The following PSD3 variants were observed in gnomAD, a reference collection of about 807,000 sequenced individuals.
The protein encoded by PSD3 is pleckstrin and Sec7 domain containing 3, also known as PH and SEC7 domain-containing protein 3.
A neutral mutation model predicts 105.5 loss-of-function variants in PSD3; 49 were observed. The ratio of observed to expected loss-of-function variants is 0.46; its 90% confidence interval spans 0.37 to 0.59. The LOEUF is 0.59. Ranked by LOEUF, PSD3 falls within the 20% of genes least tolerant of loss-of-function variation. PSD3 has a pLI of 0.00. For missense variants in PSD3, 1,561 were observed against 1,263.8 expected, an observed-to-expected ratio of 1.24 and a Z score of -3.57; for synonymous variants, 557 against 457.8, an observed-to-expected ratio of 1.22 and a Z score of -2.77.
chr8:18,665,931 C>T (rs1366598687), intron 9 of PSD3, among the ~76,000 whole-genome samples: 1 of 152,240 alleles, frequency 6.6e-6, no homozygotes, highest in African/African-American at 2.4e-5. Context: ...TATCAACCTT[C>T]AGCAGCCACC....
intron 9 of PSD3, among the ~76,000 whole-genome samples, chr8:18,703,697 T>G (rs1022467923): frequency 5.3e-5 from 8 of 152,172 alleles, no homozygotes; most frequent in Non-Finnish European, 1.0e-4. Context: ...GAGAAGATGG[T>G]GGCTAACCTT....
At chr8:18,942,518 C>G (rs968901205) in intron 1 of PSD3, among the ~76,000 whole-genome samples, 9 of 152,140 alleles carry the variant, frequency 5.9e-5, no homozygotes, top group Non-Finnish European at 1.0e-4. Flanking sequence ...GTCCTAACCC[C>G]CAGTACCTCA....
intron 15 of PSD3, among the ~76,000 whole-genome samples, chr8:18,555,287 CTT>C (rs1209740041): frequency 1.3e-5 from 2 of 151,726 alleles, no homozygotes; most frequent in Non-Finnish European, 2.9e-5. Context: ...GATGTGGACA[CTT>C]AGAAGATTTT....
intron 1 of PSD3, among the ~76,000 whole-genome samples, chr8:18,964,540 G>A (rs1824125004): frequency 6.7e-6 from 1 of 150,170 alleles, no homozygotes; most frequent in Non-Finnish European, 1.5e-5. Flanking sequence ...AGATTGTGTT[G>A]CCTCAGAACC....
intron 2 of PSD3, among the ~76,000 whole-genome samples, chr8:18,886,636 C>T (rs1818467558): frequency 6.6e-6 from 1 of 152,158 alleles, no homozygotes; most frequent in Admixed American, 6.5e-5. Flanking sequence ...AGCAGTTACC[C>T]ATTGATCATA....
chr8:18,822,391 G>A (rs1329878556), intron 4 of PSD3, among the ~76,000 whole-genome samples: 1 of 152,102 alleles, frequency 6.6e-6, no homozygotes, highest in African/African-American at 2.4e-5. Flanking sequence ...TTTAGTAGTA[G>A]TACAGTCCAT....
At chr8:19,043,496 T>C (rs1416344289) in intron 1 of PSD3, among the ~76,000 whole-genome samples, 1 of 152,176 alleles carries the variant, frequency 6.6e-6, no homozygotes, top group Non-Finnish European at 1.5e-5. Context: ...AGGTTACCTT[T>C]AGGTTTAGAG....
chr8:18,573,581 A>G (rs1802283017), intron 13 of PSD3, among the ~76,000 whole-genome samples: 1 of 152,224 alleles, frequency 6.6e-6, no homozygotes, highest in Non-Finnish European at 1.5e-5. Flanking sequence ...GGATAAACAA[A>G]ATGCAGTAAA....
intron 8 of PSD3, 50 bp from the exon 9 acceptor site, chr8:18,765,588 C>G (rs1806914559): frequency 7.3e-7 from 1 of 1,375,622 alleles, no homozygotes; most frequent in African/African-American, 1.4e-5. Flanking sequence ...GGAATTAAGA[C>G]TGATTCATAA....
intron 11 of PSD3, among the ~76,000 whole-genome samples, chr8:18,614,673 T>A (rs1405603020): frequency 6.6e-6 from 1 of 152,126 alleles, no homozygotes; most frequent in East Asian, 1.9e-4. Context: ...ATACATATTT[T>A]TTTCTTTTGA....
intron 10 of PSD3, among the ~76,000 whole-genome samples, chr8:18,654,220 G>A (rs1808723764): frequency 6.6e-6 from 1 of 152,110 alleles, no homozygotes; most frequent in Admixed American, 6.5e-5. Flanking sequence ...ACAGTGAGTA[G>A]ACGCAATTCA....
intron 4 of PSD3, among the ~76,000 whole-genome samples, chr8:18,829,337 C>A (rs1352703127): frequency 6.6e-6 from 1 of 152,108 alleles, no homozygotes; most frequent in African/African-American, 2.4e-5. Flanking sequence ...ATTTAAAAAA[C>A]ACACACAAGG....
Position 19,067,763 on chromosome 8 carries a change from A to G in PSD3, c.324+16443T>C, listed in dbSNP as rs370429018. ...AGAGACCCACAGCAGTTGCGTCTGCATGACTCATTTCCTCCCACTGGAGCC... is the reference window on the plus strand; with the variant it reads ...AGAGACCCACAGCAGTTGCGTCTGCGTGACTCATTTCCTCCCACTGGAGCC... On this transcript the variant is annotated intron_variant, in intron 1 of 1. Coordinates refer to the PSD3 transcript ENST00000521475. 4.5e-4 allele frequency among the ~76,000 whole-genome samples: 68 copies of G among 152,324 alleles called. 1 individual carries two copies. The highest frequency in any genetic ancestry group is 1.6e-3 in the African/African-American group (66 of 41,556).
intron 1 of PSD3, among the ~76,000 whole-genome samples, chr8:18,948,769 A>T (rs1027100235): frequency 9.9e-5 from 15 of 152,188 alleles, no homozygotes; most frequent in Non-Finnish European, 2.2e-4. Flanking sequence ...CTTCTGAAAC[A>T]AAGTGAAATC....
intron 2 of PSD3, among the ~76,000 whole-genome samples, chr8:18,912,843 T>G (rs1004554537): frequency 2.6e-5 from 4 of 152,046 alleles, no homozygotes; most frequent in African/African-American, 9.7e-5. Context: ...CAAAAAACAT[T>G]TTCATGCAAC....
chr8:18,790,201 T>G (rs1809567616), intron 8 of PSD3, among the ~76,000 whole-genome samples: 1 of 152,176 alleles, frequency 6.6e-6, no homozygotes. Context: ...AGATAAGGAT[T>G]CCTATTAAAG....
intron 13 of PSD3, among the ~76,000 whole-genome samples, chr8:18,573,272 C>G (rs11780993): frequency 0.27 from 41,796 of 152,012 alleles, 6,869 homozygotes; most frequent in East Asian, 0.46. Flanking sequence ...GAGTTCAAGA[C>G]CAGCCTGGCC....
intron 6 of PSD3, 116 bp downstream of exon 6, chr8:18,804,406 C>A (rs1811005802): frequency 1.2e-6 from 1 of 840,150 alleles, no homozygotes; most frequent in Admixed American, 3.5e-5. Flanking sequence ...GAATACTCCA[C>A]CTATACATGG....
At chr8:18,641,374 C>G (rs563499745) in intron 10 of PSD3, among the ~76,000 whole-genome samples, 1 of 152,144 alleles carries the variant, frequency 6.6e-6, no homozygotes, top group Non-Finnish European at 1.5e-5. Context: ...GTCCTGATAT[C>G]ATGATGATTA....
Sources: allele counts gnomAD v4.1 joint callset (sites outside exome capture counted in the v4.1 genomes callset), GRCh38; gene constraint gnomAD v4.1.1; transcripts MANE v1.5; gene names NCBI Gene and HGNC (gene_info 2026-07-23, HGNC 2026-07-21).